ESRRG: variants seen among roughly 807,000 people sequenced by gnomAD.
ESRRG encodes the protein estrogen-related receptor gamma.
ESRRG carries 13 observed loss-of-function variants against 44.0 expected under a neutral mutation model. The ratio of observed to expected loss-of-function variants is 0.30; its 90% confidence interval spans 0.19 to 0.47. The LOEUF is 0.47. Among genes scored for constraint, ESRRG ranks in the 20% least tolerant of loss-of-function variants. ESRRG has a pLI of 1.00. For synonymous variants in ESRRG, 215 were observed against 214.6 expected (o/e 1.00, Z -0.02); for missense variants, 395 against 580.6 (o/e 0.68, Z 3.29).
chr1:216,872,423 C>T (rs1280129728), intron 2 of ESRRG, among the ~76,000 whole-genome samples: 6 of 152,242 alleles, frequency 3.9e-5, no homozygotes, highest in Middle Eastern at 3.4e-3. Context: ...AGAACTCCTA[C>T]GATGCAAATG....
At chr1:216,709,247 A>G (rs1045267531) in intron 1 of ESRRG, among the ~76,000 whole-genome samples, 14 of 152,074 alleles carry the variant, frequency 9.2e-5, no homozygotes, top group Non-Finnish European at 1.5e-4. Context: ...ATGACAATAC[A>G]TATACATGCA....
chr1:217,049,043 C>G (rs2085415903), intron 1 of ESRRG, among the ~76,000 whole-genome samples: 1 of 152,128 alleles, frequency 6.6e-6, no homozygotes, highest in South Asian at 2.1e-4. Context: ...TGCCTAGCTC[C>G]TCTGTCACTC....
chr1:216,619,998 A>G (rs1184214189), intron 3 of ESRRG, among the ~76,000 whole-genome samples: 1 of 152,166 alleles, frequency 6.6e-6, no homozygotes, highest in African/African-American at 2.4e-5. Flanking sequence ...AATTTCAACA[A>G]GTCAAACATA....
chr1:216,947,731 AC>A (rs1166131972), intron 1 of ESRRG, among the ~76,000 whole-genome samples: 2 of 152,086 alleles, frequency 1.3e-5, no homozygotes, highest in Non-Finnish European at 2.9e-5. Flanking sequence ...CTTCATTAAC[AC>A]CCATCTTTTT....
intron 3 of ESRRG, among the ~76,000 whole-genome samples, chr1:216,642,537 A>G (rs1012261300): frequency 6.6e-6 from 1 of 152,134 alleles, no homozygotes; most frequent in Non-Finnish European, 1.5e-5. Flanking sequence ...TATTGCTTAT[A>G]TTATAACTTG....
In ESRRG at chr1:216,623,554, C is replaced by T. The variant is rs541698802; in HGVS notation, c.589+27419G>A. ...GTGACAAAACTATACTATTGAGGGA[C>T]CAAGGAAATTGAAGAGTTACTTTAT... On this transcript the variant is annotated intron_variant, in intron 3 of 6. Transcript: ENST00000408911. Among the ~76,000 whole-genome samples the T allele has an allele frequency of 9.9e-5, 15 of 152,002 alleles. No individual in the cohort carries two copies. The South Asian group carries it at 2.9e-3, about 29-fold the overall frequency.
intron 1 of ESRRG, among the ~76,000 whole-genome samples, chr1:217,052,172 T>G: frequency 6.6e-6 from 1 of 152,204 alleles, no homozygotes; most frequent in East Asian, 1.9e-4. Context: ...GATTTCAAGA[T>G]GTAGAGGAAG....
chr1:217,126,419 A>AAAGGTTCCTGCTAATC (rs2092890777), intron 1 of ESRRG, among the ~76,000 whole-genome samples: 1 of 152,188 alleles, frequency 6.6e-6, no homozygotes, highest in Non-Finnish European at 1.5e-5. Context: ...CTGGTTATTT[A>AAAGGTTCCTGCTAATC]GACATAGATA....
intron 1 of ESRRG, among the ~76,000 whole-genome samples, chr1:216,984,828 T>C (rs2074600692): frequency 6.6e-6 from 1 of 152,204 alleles, no homozygotes; most frequent in South Asian, 2.1e-4. Context: ...CCAGGAGAAG[T>C]CTGGGTCCAT....
intron 2 of ESRRG, among the ~76,000 whole-genome samples, chr1:216,879,612 CTCT>C (rs778269772): frequency 2.0e-5 from 3 of 151,896 alleles, no homozygotes; most frequent in Admixed American, 6.6e-5. Flanking sequence ...TGTTTCATTT[CTCT>C]TCTTCTTTTC....
intron 6 of ESRRG, among the ~76,000 whole-genome samples, chr1:216,512,537 A>G (rs1489400262): frequency 1.3e-5 from 2 of 152,164 alleles, no homozygotes; most frequent in African/African-American, 4.8e-5. Flanking sequence ...ACTATAATAA[A>G]ATAAAAGGAA....
intron 3 of ESRRG, among the ~76,000 whole-genome samples, chr1:216,615,379 C>T (rs2061278974): frequency 6.6e-6 from 1 of 152,202 alleles, no homozygotes; most frequent in Non-Finnish European, 1.5e-5. Flanking sequence ...TACTACGGAG[C>T]TCATTCTGTA....
intron 1 of ESRRG, among the ~76,000 whole-genome samples, chr1:217,048,244 C>G (rs2085246250): frequency 1.3e-5 from 2 of 152,038 alleles, no homozygotes; most frequent in Admixed American, 1.3e-4. Context: ...GCTGACGGTA[C>G]TGGTTAGAGA....
intron 2 of ESRRG, among the ~76,000 whole-genome samples, chr1:216,904,362 G>A (rs1560051518): frequency 6.6e-6 from 1 of 152,120 alleles, no homozygotes; most frequent in Non-Finnish European, 1.5e-5. Flanking sequence ...GAGACAAGTA[G>A]TTTCATCAAA....
chr1:216,805,721 T>A (rs2094769175), intron 2 of ESRRG, among the ~76,000 whole-genome samples: 1 of 151,742 alleles, frequency 6.6e-6, no homozygotes, highest in South Asian at 2.1e-4. Flanking sequence ...GTTAGAACAC[T>A]GTTTTGTAAT....
chr1:216,740,917 T>A (rs1477051825), intron 2 of ESRRG, among the ~76,000 whole-genome samples: 1 of 151,388 alleles, frequency 6.6e-6, no homozygotes, highest in African/African-American at 2.4e-5. Context: ...CATATTGACA[T>A]TCTTTCATTT....
intron 1 of ESRRG, among the ~76,000 whole-genome samples, chr1:216,975,976 A>G (rs917566325): frequency 1.1e-4 from 16 of 152,170 alleles, no homozygotes; most frequent in Non-Finnish European, 4.4e-5. Context: ...GCTGCTTTCC[A>G]TGACAAATCC....
At chr1:216,718,665 C>A (rs2085453412) in intron 1 of ESRRG, among the ~76,000 whole-genome samples, 1 of 151,916 alleles carries the variant, frequency 6.6e-6, no homozygotes, top group African/African-American at 2.4e-5. Context: ...TAATACAATG[C>A]CAGTGGATGT....
intron 5 of ESRRG, among the ~76,000 whole-genome samples, chr1:216,534,131 A>G (rs542342736): frequency 3.9e-5 from 6 of 152,134 alleles, no homozygotes; most frequent in Non-Finnish European, 8.8e-5. Context: ...ATGACAGAGG[A>G]GAGAGGATGA....
Sources: gnomAD v4.1 joint callset for allele counts (sites outside exome capture counted in the v4.1 genomes callset) on GRCh38, gnomAD v4.1.1 for gene constraint, MANE v1.5 for transcripts, NCBI Gene and HGNC (gene_info 2026-07-23, HGNC 2026-07-21) for gene names.